Variants in RP1 observed in about 807,000 individuals in gnomAD.
RP1 encodes the protein oxygen-regulated protein 1.
A neutral mutation model predicts 14.8 loss-of-function variants in RP1; 16 were observed. The ratio of observed to expected loss-of-function variants is 1.08; its 90% CI spans 0.73 to 1.65. The LOEUF (loss-of-function observed/expected upper bound fraction) is 1.65, where lower values mean the gene tolerates loss of function less well. RP1 is among the 40% of genes most tolerant of loss of function. The pLI is 0.00. For synonymous variants in RP1, 876 were observed against 883.6 expected (o/e 0.99, Z 0.15); for missense variants, 2,631 against 2,535.0 (o/e 1.04, Z -0.81).
At chr8:54,649,586 G>C (rs1044795712) in intron 4 of RP1, among the ~76,000 whole-genome samples, 1 of 152,234 alleles carries the variant, frequency 6.6e-6, no homozygotes, top group Non-Finnish European at 1.5e-5. Flanking sequence ...GAGGGAAACA[G>C]AGGTAACAAA....
intron 27 of RP1, among the ~76,000 whole-genome samples, chr8:54,864,928 G>C (rs1240331379): frequency 6.6e-6 from 1 of 152,102 alleles, no homozygotes; most frequent in African/African-American, 2.4e-5. Flanking sequence ...TTGAGGTTTT[G>C]AATTAGTTTA....
chr8:54,728,738 GC>G (rs1318520284), intron 17 of RP1, among the ~76,000 whole-genome samples: 7 of 152,218 alleles, frequency 4.6e-5, no homozygotes, highest in African/African-American at 1.7e-4. Flanking sequence ...GGTCTAAACT[GC>G]ATTATGATAT....
At chr8:54,642,764 A>G (rs1025093716) in intron 3 of RP1, among the ~76,000 whole-genome samples, 7 of 152,158 alleles carry the variant, frequency 4.6e-5, no homozygotes, top group Non-Finnish European at 8.8e-5. Flanking sequence ...GAATATGTGC[A>G]TTGTAAAATT....
chr8:54,823,162 G>A (rs10105032), intron 24 of RP1, among the ~76,000 whole-genome samples: 47,807 of 151,700 alleles, frequency 0.32, 7,662 homozygotes, highest in South Asian at 0.37. Flanking sequence ...TCCTGAGAAA[G>A]CCCTCCCCGG....
intron 15 of RP1, among the ~76,000 whole-genome samples, chr8:54,717,656 A>G (rs1808435342): frequency 6.6e-6 from 1 of 152,198 alleles, no homozygotes. Context: ...CTTAATAGTG[A>G]GAAACTGGAT....
Position 54,626,998 on chromosome 8 carries a change from A to G in RP1, c.3116A>G (p.His1039Arg), listed in dbSNP as rs141811318. 6.2e-7 allele frequency: 1 copy of G among 1,614,054 alleles called. No homozygotes were observed. Among genetic ancestry groups the G allele is most frequent in the African/African-American group, 1.3e-5 (1 of 75,054 alleles). ...ATTAATGATCATAATACTAAAAGTCATATAGCTGCTGAAAAATCAGGACCA... is the reference window on the plus strand; with the variant it reads ...ATTAATGATCATAATACTAAAAGTCGTATAGCTGCTGAAAAATCAGGACCA... Reference protein sequence around the residue: ...SAINDHNTKSHIAAEKSGPEK... With the variant: ...SAINDHNTKSRIAAEKSGPEK... Residue 1039 changes from histidine (H) to arginine (R), a missense_variant, in exon 4 of 4, where the codon CAT becomes CGT. Physicochemically the swap from His to Arg is conservative, Grantham distance 29. Coordinates refer to ENST00000220676, the MANE Select transcript of RP1 (RefSeq NM_006269.2).
exon 25 of RP1, chr8:54,837,486 C>T (rs1454586970): frequency 1.7e-5 from 21 of 1,230,870 alleles, no homozygotes; most frequent in African/African-American, 9.3e-5. Flanking sequence ...CTATAAAATA[C>T]GTATTGGACA....
downstream of RP1, chr8:54,630,982 C>T (rs754007147): frequency 3.1e-5 from 10 of 327,610 alleles, no homozygotes; most frequent in Non-Finnish European, 4.4e-5. Context: ...AGGAGTTAAC[C>T]AGGAAAGCTT....
At chr8:54,715,395 A>G (rs1290989788) in intron 15 of RP1, among the ~76,000 whole-genome samples, 3 of 152,330 alleles carry the variant, frequency 2.0e-5, no homozygotes, top group South Asian at 2.1e-4. Flanking sequence ...TGAAAGCAGG[A>G]AAGAGGAAAT....
At position 54,626,268 on chromosome 8, in the gene RP1, G is replaced by A. The variant is rs202031905; in HGVS notation, c.2386G>A (p.Gly796Ser). Residue 796 changes from glycine (G) to serine (S), a missense_variant, in exon 4 of 4, where the codon GGT (glycine) becomes AGT (serine). Transcript: ENST00000220676. The part of the protein sequence containing the change: ...SLGAPKKREI[G>S]QRDKVFPHNE... Reference sequence around the variant, plus strand: ...AGGAGCACCTAAAAAAAGAGAAATCGGTCAAAGAGATAAAGTGTTTCCTCA... The same window carrying A: ...AGGAGCACCTAAAAAAAGAGAAATCAGTCAAAGAGATAAAGTGTTTCCTCA... The A allele has an allele frequency of 1.7e-4, 281 of 1,613,120 alleles. No individual in the cohort carries two copies. The highest frequency in any genetic ancestry group is 1.5e-3 in the Middle Eastern group (9 of 6,052).
In RP1 at chr8:54,586,929, C is replaced by T. The variant is rs549001484; in HGVS notation, c.-13+27609C>T. ...TTGACTAGGAAAGGGAATTCCCTGA[C>T]CGCTTGCGCTTCCTGGGTGAGGCAA... On this transcript the variant is annotated intron_variant, in intron 1 of 22. Transcript: ENST00000636932. 3.9e-5 allele frequency among the ~76,000 whole-genome samples: 6 copies of T among 152,366 alleles called. No homozygotes were observed. In the East Asian group the frequency reaches 9.7e-4, roughly 25 times the overall value.
intron 22 of RP1, among the ~76,000 whole-genome samples, chr8:54,768,810 G>A (rs1042012427): frequency 3.3e-5 from 5 of 152,212 alleles, no homozygotes; most frequent in Middle Eastern, 3.4e-3. Context: ...CCTGGTTTAG[G>A]GGGAAGCTCC....
At chr8:54,733,769 A>C (rs1808848462) in intron 17 of RP1, among the ~76,000 whole-genome samples, 1 of 152,204 alleles carries the variant, frequency 6.6e-6, no homozygotes, top group African/African-American at 2.4e-5. Context: ...CAACCCGTGC[A>C]GAGTAGCTTG....
intron 19 of RP1, among the ~76,000 whole-genome samples, chr8:54,745,316 TG>T (rs1259362482): frequency 6.6e-6 from 1 of 152,200 alleles, no homozygotes; most frequent in Non-Finnish European, 1.5e-5. Flanking sequence ...GAGGAAAGGT[TG>T]GGTAACCTGA....
chr8:54,852,598 A>T, exon 26 of RP1: 1 of 1,231,920 alleles, frequency 8.1e-7, no homozygotes, highest in South Asian at 4.1e-5. Context: ...ATTCGCATAT[A>T]CACAGGCACA....
At chr8:54,675,562 C>T (rs537529679) in intron 8 of RP1, among the ~76,000 whole-genome samples, 1 of 152,030 alleles carries the variant, frequency 6.6e-6, no homozygotes, top group East Asian at 1.9e-4. Flanking sequence ...AGATATTAGG[C>T]CAAAAAGAAA....
At chr8:54,857,764 G>A (rs942234017) in intron 27 of RP1, among the ~76,000 whole-genome samples, 1 of 152,006 alleles carries the variant, frequency 6.6e-6, no homozygotes, top group Non-Finnish European at 1.5e-5. Flanking sequence ...CAGCAAACGC[G>A]CTGCTTGAAC....
intron 24 of RP1, among the ~76,000 whole-genome samples, chr8:54,827,768 G>T (rs1811418372): frequency 6.6e-6 from 1 of 152,134 alleles, no homozygotes; most frequent in Non-Finnish European, 1.5e-5. Flanking sequence ...CGTGGTGACA[G>T]GCGCTTGTAA....
At chr8:54,770,191 T>A (rs890694147), downstream of RP1, 1 of 401,496 alleles carries the variant, frequency 2.5e-6, no homozygotes, top group Non-Finnish European at 4.4e-6. Flanking sequence ...CCACTTTTCA[T>A]CTTTTAATCA....
Sources: gnomAD v4.1 joint callset for allele counts (sites outside exome capture counted in the v4.1 genomes callset) on GRCh38, gnomAD v4.1.1 for gene constraint, MANE v1.5 for transcripts, NCBI Gene and HGNC (gene_info 2026-07-23, HGNC 2026-07-21) for gene names.